Variants in PLSCR1 observed in about 807,000 individuals in gnomAD.
PLSCR1 encodes phospholipid scramblase 1, also known as PL scramblase 1.
PLSCR1 carries 17 observed loss-of-function variants against 37.8 expected under a neutral mutation model. The ratio of observed to expected loss-of-function variants is 0.45; its 90% CI spans 0.31 to 0.68. PLSCR1 has a LOEUF of 0.68. PLSCR1 is among the 30% of genes least tolerant of loss of function. PLSCR1 has a pLI of 0.06. For missense variants in PLSCR1, 347 were observed against 380.9 expected, an observed-to-expected ratio of 0.91 and a Z score of 0.74; for synonymous variants, 116 against 125.9, an observed-to-expected ratio of 0.92 and a Z score of 0.53.
intron 3 of PLSCR1, among the ~76,000 whole-genome samples, chr3:146,532,963 T>C (rs1175973804): frequency 6.6e-6 from 1 of 152,196 alleles, no homozygotes; most frequent in Non-Finnish European, 1.5e-5. Context: ...AAAATTAAAA[T>C]GAGAATTATT....
intron 1 of PLSCR1, among the ~76,000 whole-genome samples, chr3:146,539,605 C>G (rs548590391): frequency 6.6e-6 from 1 of 152,102 alleles, no homozygotes; most frequent in Non-Finnish European, 1.5e-5. Context: ...ACAGAAATAC[C>G]GGAAAGGAAA....
rs1401896124 is a variant in PLSCR1, at chr3:146,521,698, A to G, written c.584T>C (p.Ile195Thr). The part of the protein sequence containing the change: ...CCPCCLQEIE[I>T]QAPPGVPIGY... Reference sequence around the variant, plus strand: ...TATTGGTACACCAGGAGGAGCTTGGATTTCTATCTACAAAGGCAAAATAAT... The same window carrying G: ...TATTGGTACACCAGGAGGAGCTTGGGTTTCTATCTACAAAGGCAAAATAAT... Residue 195 changes from isoleucine (I) to threonine (T), a missense_variant, in exon 7 of 9, where the codon ATC (isoleucine) becomes ACC (threonine). Physicochemically the swap from Ile to Thr is moderately conservative, Grantham distance 89. Coordinates refer to ENST00000342435, the MANE Select transcript of PLSCR1 (RefSeq NM_021105.3). 6.2e-7 allele frequency: 1 copy of G among 1,612,720 alleles called. No homozygotes were observed. The highest frequency in any genetic ancestry group is 8.5e-7 in the Non-Finnish European group (1 of 1,178,954).
chr3:146,523,143 A>G (rs1309122049), intron 5 of PLSCR1, among the ~76,000 whole-genome samples: 1 of 152,060 alleles, frequency 6.6e-6, no homozygotes. Context: ...CTTTCTCTAT[A>G]CTTTGTCTCT....
At position 146,533,452 on chromosome 3, in the gene PLSCR1, T is replaced by G. The variant is rs769859756; in HGVS notation, c.94+18A>C. The G allele has an allele frequency of 1.3e-6, 2 of 1,485,868 alleles. No individual in the cohort carries two copies. The allele number at this position is 1,485,868 out of a possible 1,614,324, so 92.0% of individuals were successfully genotyped here. A position where few individuals can be genotyped will look rare whatever the true frequency, so the allele number is the denominator to read the frequency against. ...TCTCAATTAATTTTACTTTTTCTTCTTTCAGCAACTGCTTTACCTTGGAAT... is the reference window on the plus strand; with the variant it reads ...TCTCAATTAATTTTACTTTTTCTTCGTTCAGCAACTGCTTTACCTTGGAAT... On this transcript the variant is annotated intron_variant, in intron 3 of 8. Transcript: ENST00000342435.
intron 5 of PLSCR1, among the ~76,000 whole-genome samples, chr3:146,523,247 G>A (rs2044057488): frequency 6.6e-6 from 1 of 152,192 alleles, no homozygotes; most frequent in Non-Finnish European, 1.5e-5. Context: ...TGAGACACTG[G>A]AAACAAGTTA....
At chr3:146,542,968 T>C (rs939443393) in intron 1 of PLSCR1, among the ~76,000 whole-genome samples, 10 of 152,266 alleles carry the variant, frequency 6.6e-5, no homozygotes, top group Admixed American at 5.9e-4. Context: ...AATGTTGCTA[T>C]AAGAAAGGGT....
intron 5 of PLSCR1, among the ~76,000 whole-genome samples, chr3:146,523,021 C>T (rs2044052150): frequency 6.6e-6 from 1 of 152,228 alleles, no homozygotes; most frequent in African/African-American, 2.4e-5. Context: ...CCTGCCACAT[C>T]CCCCTCTCCG....
chr3:146,518,785 T>A (rs62272713), intron 7 of PLSCR1, among the ~76,000 whole-genome samples: 23,096 of 152,158 alleles, frequency 0.15, 1,795 homozygotes, highest in Middle Eastern at 0.18. Context: ...CAGGACTAGA[T>A]AATTTTTAGC....
intron 3 of PLSCR1, among the ~76,000 whole-genome samples, chr3:146,530,586 T>C (rs1195292089): frequency 6.6e-6 from 1 of 152,136 alleles, no homozygotes; most frequent in Non-Finnish European, 1.5e-5. Context: ...TATCAAGGTC[T>C]AAAAGATGAG....
At chr3:146,531,688 T>C (rs1305746168) in intron 3 of PLSCR1, among the ~76,000 whole-genome samples, 2 of 152,232 alleles carry the variant, frequency 1.3e-5, no homozygotes, top group African/African-American at 2.4e-5. Flanking sequence ...TTTGCAAGCA[T>C]TGTGCTCAGT....
At chr3:146,544,140 T>C (rs541919840) in intron 1 of PLSCR1, among the ~76,000 whole-genome samples, 1 of 152,320 alleles carries the variant, frequency 6.6e-6, no homozygotes, top group South Asian at 2.1e-4. Context: ...AAGGGGAAGC[T>C]GAGCCCCGCA....
intron 2 of PLSCR1, 79 bp downstream of exon 2, chr3:146,536,461 A>C: frequency 1.2e-6 from 1 of 839,070 alleles, no homozygotes; most frequent in Non-Finnish European, 2.1e-6. Context: ...ACACTGAATA[A>C]AACATTATGA....
In PLSCR1 at chr3:146,521,642, G is replaced by A; in HGVS notation, c.640C>T (p.Leu214=). 3.7e-6 allele frequency: 6 copies of A among 1,613,480 alleles called. No homozygotes were observed. Among genetic ancestry groups the A allele is most frequent in the Middle Eastern group, 3.3e-4 (2 of 6,062 alleles). Residue 214 remains leucine, a synonymous_variant, in exon 7 of 9, where the codon CTA becomes TTA. Coordinates refer to ENST00000342435, the MANE Select transcript of PLSCR1 (RefSeq NM_021105.3). ...GYVIQTWHPC[L]PKFTIQNEKR... is the part of the protein sequence containing the mutation. ...TCATTTTGAATTGTAAACTTTGGTA[G>A]ACATGGGTGCCAAGTCTGAATAACA...
At chr3:146,516,723 A>G (rs75060857) in intron 8 of PLSCR1, 12,734 of 237,398 alleles carry the variant, frequency 0.054, 430 homozygotes, top group South Asian at 0.095. Context: ...CAAAGCATCT[A>G]GGAGATGCCT....
intron 8 of PLSCR1, 76 bp downstream of exon 8, chr3:146,516,930 T>A: frequency 1.1e-6 from 1 of 921,104 alleles, no homozygotes; most frequent in Non-Finnish European, 1.7e-6. Flanking sequence ...CATTTTGAAA[T>A]ATACACTTTA....
intron 3 of PLSCR1, among the ~76,000 whole-genome samples, chr3:146,529,792 C>T (rs1037490136): frequency 2.6e-5 from 4 of 152,150 alleles, no homozygotes; most frequent in African/African-American, 4.8e-5. Context: ...GGATTACAGG[C>T]GTGAGCCACC....
chr3:146,528,842 A>C lies in PLSCR1; in HGVS notation c.95-11T>G. 6.3e-7 allele frequency: 1 copy of C among 1,598,578 alleles called. No homozygotes were observed. Among genetic ancestry groups the C allele is most frequent in the Non-Finnish European group, 8.6e-7 (1 of 1,168,326 alleles). On this transcript the variant is annotated splice_polypyrimidine_tract_variant and intron_variant, in intron 3 of 8. Transcript: ENST00000342435. Reference sequence around the variant, plus strand: ...TATATCCTGGAGGTCCTGAAATACAAACAAGTGAAATGATTTGTAACTGCA... The same window carrying C: ...TATATCCTGGAGGTCCTGAAATACACACAAGTGAAATGATTTGTAACTGCA...
chr3:146,520,431 T>C (rs901253945), intron 7 of PLSCR1, among the ~76,000 whole-genome samples: 2 of 152,288 alleles, frequency 1.3e-5, no homozygotes, highest in African/African-American at 2.4e-5. Flanking sequence ...ATCCCTTACA[T>C]GAAGAACTGC....
Position 146,515,857 on chromosome 3 carries a change from C to T in PLSCR1, c.*188G>A. ...TCATATGTCCTTTTTCTCAAATTGA[C>T]AATGAGTATTAAAAAATGTACAAAA... On this transcript the variant is annotated 3_prime_UTR_variant, in exon 9 of 9. Transcript: ENST00000342435. The T allele has an allele frequency of 7.2e-6, 3 of 414,048 alleles. No homozygotes were observed. Among genetic ancestry groups the T allele is most frequent in the Non-Finnish European group, 8.6e-6 (2 of 233,056 alleles). The allele number at this position is 414,048 out of a possible 1,614,324, so 25.6% of individuals were successfully genotyped here.
Sources: allele counts gnomAD v4.1 joint callset (sites outside exome capture counted in the v4.1 genomes callset), GRCh38; gene constraint gnomAD v4.1.1; transcripts MANE v1.5; gene names NCBI Gene and HGNC (gene_info 2026-07-23, HGNC 2026-07-21).